Variants in NCKAP5 observed in about 807,000 individuals in gnomAD.
NCKAP5 encodes the protein nck-associated protein 5.
A neutral mutation model predicts 167.0 loss-of-function variants in NCKAP5; 92 were observed. The ratio of observed to expected loss-of-function variants is 0.55; its 90% CI spans 0.47 to 0.66. The LOEUF (loss-of-function observed/expected upper bound fraction) is 0.66. NCKAP5 is among the 30% of genes least tolerant of loss of function. The pLI is 0.00. For missense variants in NCKAP5, 2,378 were observed against 2,315.0 expected, an observed-to-expected ratio of 1.03 and a Z score of -0.56; for synonymous variants, 891 against 877.4, an observed-to-expected ratio of 1.02 and a Z score of -0.27.
intron 4 of NCKAP5, among the ~76,000 whole-genome samples, chr2:133,277,940 A>G (rs1340099311): frequency 6.6e-6 from 1 of 152,186 alleles, no homozygotes; most frequent in Non-Finnish European, 1.5e-5. Flanking sequence ...ATTTGACCAA[A>G]CATAACATTA....
chr2:133,215,515 T>C (rs957777384), intron 4 of NCKAP5, among the ~76,000 whole-genome samples: 1 of 152,142 alleles, frequency 6.6e-6, no homozygotes, highest in Non-Finnish European at 1.5e-5. Context: ...CCAAAAGACA[T>C]GTACCAGAAT....
At chr2:132,969,197 C>G (rs1478313446) in intron 7 of NCKAP5, among the ~76,000 whole-genome samples, 1 of 151,954 alleles carries the variant, frequency 6.6e-6, no homozygotes, top group Non-Finnish European at 1.5e-5. Context: ...GCCACCACAC[C>G]AGGCTGATTT....
the NCKAP5 span, among the ~76,000 whole-genome samples, chr2:133,646,554 A>T: frequency 6.6e-6 from 1 of 152,182 alleles, no homozygotes; most frequent in Admixed American, 6.5e-5. Context: ...AAGCTGAGGG[A>T]GTTTGTTTTC....
intron 3 of NCKAP5, among the ~76,000 whole-genome samples, chr2:133,416,813 C>G (rs1451066625): frequency 6.6e-6 from 1 of 152,206 alleles, no homozygotes; most frequent in Non-Finnish European, 1.5e-5. Context: ...GCCCCTGGAC[C>G]AAATGAGTTT....
chr2:133,466,319 T>C (rs1311443261), intron 3 of NCKAP5, among the ~76,000 whole-genome samples: 1 of 149,278 alleles, frequency 6.7e-6, no homozygotes, highest in East Asian at 2.0e-4. Flanking sequence ...CAGATAGTTG[T>C]AGATATGCGG....
the NCKAP5 span, among the ~76,000 whole-genome samples, chr2:133,606,545 G>T: frequency 6.6e-6 from 1 of 152,124 alleles, no homozygotes; most frequent in Admixed American, 6.5e-5. Flanking sequence ...ACTGGTGACT[G>T]ACCATGCCTA....
At chr2:132,845,185 A>G (rs1424636470) in intron 11 of NCKAP5, among the ~76,000 whole-genome samples, 1 of 152,084 alleles carries the variant, frequency 6.6e-6, no homozygotes, top group Non-Finnish European at 1.5e-5. Context: ...TAATTCATGG[A>G]ATTACATGCT....
rs571397562 is a variant in NCKAP5, at chr2:132,852,267, G to A, written c.807+8225C>T. On this transcript the variant is annotated intron_variant, in intron 11 of 19. Transcript: ENST00000409261. ...TTGAAATATGATAAAAATATATATC[G>A]CCTGAATGTTTCATGCTACAGGGTG... 7.9e-5 allele frequency among the ~76,000 whole-genome samples: 12 copies of A among 152,094 alleles called. No individual in the cohort carries two copies. The East Asian group carries it at 1.9e-3, about 24-fold the overall frequency.
intron 4 of NCKAP5, among the ~76,000 whole-genome samples, chr2:133,230,400 A>C (rs1166594716): frequency 2.6e-5 from 4 of 152,198 alleles, no homozygotes; most frequent in African/African-American, 9.6e-5. Flanking sequence ...TAAAGCATGT[A>C]GATAAGAAAC....
At chr2:133,464,823 A>T (rs1000173250) in intron 3 of NCKAP5, among the ~76,000 whole-genome samples, 1 of 151,974 alleles carries the variant, frequency 6.6e-6, no homozygotes, top group African/African-American at 2.4e-5. Context: ...GTCTGGACTG[A>T]GACTTCAACT....
At chr2:133,525,681 G>A (rs948735548) in intron 2 of NCKAP5, among the ~76,000 whole-genome samples, 9 of 152,118 alleles carry the variant, frequency 5.9e-5, no homozygotes, top group African/African-American at 1.7e-4. Context: ...ACAATTCAGC[G>A]TCAACCCTTC....
chr2:133,648,849 TA>T, the NCKAP5 span, among the ~76,000 whole-genome samples: 2,670 of 136,604 alleles, frequency 0.02, 81 homozygotes, highest in African/African-American at 0.063. Context: ...CTAAGGGAAT[TA>T]AAAAAAAAAA....
chr2:133,178,037 G>A (rs2084546385), intron 5 of NCKAP5, among the ~76,000 whole-genome samples: 1 of 152,168 alleles, frequency 6.6e-6, no homozygotes, highest in Non-Finnish European at 1.5e-5. Flanking sequence ...TGGAAGCCTA[G>A]TAGGGAGCCA....
chr2:133,237,709 T>C (rs2087488480), intron 4 of NCKAP5, among the ~76,000 whole-genome samples: 2 of 152,196 alleles, frequency 1.3e-5, no homozygotes, highest in South Asian at 4.1e-4. Context: ...GCTGCTGCTT[T>C]GAAAATAACC....
chr2:133,121,400 A>G (rs2082246509), intron 6 of NCKAP5, among the ~76,000 whole-genome samples: 1 of 152,150 alleles, frequency 6.6e-6, no homozygotes, highest in Non-Finnish European at 1.5e-5. Flanking sequence ...GGTCACACTA[A>G]TAGCTTATTG....
In NCKAP5 at chr2:133,183,665, T is replaced by C. The variant is rs541311206; in HGVS notation, c.207+30051A>G. 1.1e-4 allele frequency among the ~76,000 whole-genome samples: 17 copies of C among 152,282 alleles called. No homozygotes were observed. The East Asian group carries it at 3.3e-3, about 29-fold the overall frequency. The stretch of plus-strand genomic sequence containing the variant: ...AGACTGAAAGTTTTCTCACAAATAA[T>C]GAGAACAAGGTTAGACTGTCCACTT... On this transcript the variant is annotated intron_variant, in intron 5 of 19. Coordinates refer to ENST00000409261, the MANE Select transcript of NCKAP5 (RefSeq NM_207363.3).
chr2:133,294,097 CTCTT>C (rs763567071), intron 4 of NCKAP5, among the ~76,000 whole-genome samples: 3 of 152,228 alleles, frequency 2.0e-5, no homozygotes, highest in African/African-American at 4.8e-5. Flanking sequence ...ACTGAGCTCT[CTCTT>C]TGTTTGCTAC....
chr2:132,711,204 T>C (rs1450213602), intron 19 of NCKAP5, among the ~76,000 whole-genome samples: 1 of 152,226 alleles, frequency 6.6e-6, no homozygotes, highest in Non-Finnish European at 1.5e-5. Flanking sequence ...ATCCATCCCA[T>C]GTGCTTTCCC....
chr2:132,833,446 G>C (rs1459637752), intron 11 of NCKAP5, among the ~76,000 whole-genome samples: 1 of 152,070 alleles, frequency 6.6e-6, no homozygotes, highest in East Asian at 1.9e-4. Flanking sequence ...TCTTTGCCTA[G>C]ATCAGTGTCC....
Sources: allele counts gnomAD v4.1 joint callset (sites outside exome capture counted in the v4.1 genomes callset), GRCh38; gene constraint gnomAD v4.1.1; transcripts MANE v1.5; gene names NCBI Gene and HGNC (gene_info 2026-07-23, HGNC 2026-07-21).